The following CDK5RAP2 variants were observed in gnomAD, a reference collection of about 807,000 sequenced individuals.
CDK5RAP2 encodes the protein CDK5 regulatory subunit associated protein 2.
Under a neutral mutation model 232.9 loss-of-function variants are expected in CDK5RAP2, and 147 were observed. That is an observed-to-expected ratio of 0.63 (90% CI 0.55 to 0.72). The LOEUF (loss-of-function observed/expected upper bound fraction) is 0.72, where lower values mean the gene tolerates loss of function less well. CDK5RAP2 is among the 30% of genes least tolerant of loss of function. The pLI is 0.00. For missense variants in CDK5RAP2, 2,195 were observed against 2,231.5 expected (o/e 0.98, Z 0.33); for synonymous variants, 833 against 833.7 (o/e 1.00, Z 0.01).
Position 120,471,893 on chromosome 9 carries a change from A to C in CDK5RAP2, c.1728-15T>G. ...GGTTGTTGATACTTGGTAAAACAAG[A>C]CACCAGAAGTTTTAAAACAGACCTA... On this transcript the variant is annotated splice_polypyrimidine_tract_variant and intron_variant, in intron 15 of 37. Coordinates refer to ENST00000349780, the MANE Select transcript of CDK5RAP2 (RefSeq NM_018249.6). 1 of 1,614,022 alleles carries C rather than the reference A, an allele frequency of 6.2e-7. No homozygotes were observed. The highest frequency in any genetic ancestry group is 8.5e-7 in the Non-Finnish European group (1 of 1,179,926).
chr9:120,485,293 C>CTTTT (rs111411839), intron 14 of CDK5RAP2, among the ~76,000 whole-genome samples: 31 of 132,342 alleles, frequency 2.3e-4, no homozygotes, highest in African/African-American at 6.0e-4. Context: ...CATTTAGATA[C>CTTTT]TTTTTTTTTT....
chr9:120,539,229 C>T, intron 5 of CDK5RAP2, 65 bp from the exon 6 acceptor site: 2 of 1,599,572 alleles, frequency 1.3e-6, no homozygotes. Context: ...TTCACAGCCC[C>T]AAAGAGACAA....
chr9:120,481,377 A>C (rs1470758024), intron 14 of CDK5RAP2, among the ~76,000 whole-genome samples: 1 of 152,240 alleles, frequency 6.6e-6, no homozygotes. Flanking sequence ...CAGTGACAAA[A>C]TAAGAAAATC....
At chr9:120,510,155 C>T (rs1271318743) in intron 12 of CDK5RAP2, among the ~76,000 whole-genome samples, 4 of 152,186 alleles carry the variant, frequency 2.6e-5, no homozygotes, top group Non-Finnish European at 4.4e-5. Flanking sequence ...AGATATCCAT[C>T]AATGAGTACA....
intron 25 of CDK5RAP2, among the ~76,000 whole-genome samples, chr9:120,436,657 A>G (rs2131310348): frequency 6.6e-6 from 1 of 152,290 alleles, no homozygotes; most frequent in Non-Finnish European, 1.5e-5. Flanking sequence ...CAGAAAGATA[A>G]TAATAGAGCG....
chr9:120,482,524 C>T (rs1308549350), intron 14 of CDK5RAP2, among the ~76,000 whole-genome samples: 1 of 152,180 alleles, frequency 6.6e-6, no homozygotes, highest in African/African-American at 2.4e-5. Flanking sequence ...TCCACTGGCA[C>T]ACTCCAGGGC....
At chr9:120,506,711 G>T (rs1030870282) in intron 12 of CDK5RAP2, among the ~76,000 whole-genome samples, 5 of 152,184 alleles carry the variant, frequency 3.3e-5, no homozygotes, top group Admixed American at 6.5e-5. Flanking sequence ...AATAGCAAGA[G>T]AACTAGAAGT....
rs1385076649 is a variant in CDK5RAP2 at position 120,447,885 on chromosome 9, T to C, written c.3025+10A>G. 1.9e-6 allele frequency: 3 copies of C among 1,598,510 alleles called. No individual in the cohort carries two copies. The highest frequency in any genetic ancestry group is 2.6e-6 in the Non-Finnish European group (3 of 1,165,766). On this transcript the variant is annotated intron_variant, in intron 22 of 37. Transcript: ENST00000349780. ...TAGCTCACAGGGAATACATTTTTCT[T>C]GGTGCTTACCATTCAGCAACGTTTT... is the stretch of plus-strand genomic sequence containing the variant.
chr9:120,464,407 T>G (rs1246246643), intron 18 of CDK5RAP2, among the ~76,000 whole-genome samples: 2 of 152,180 alleles, frequency 1.3e-5, no homozygotes, highest in Non-Finnish European at 2.9e-5. Context: ...GGGACATGTG[T>G]GCTCATAGTT....
At chr9:120,518,206 TGTGTGAGA>T (rs1250853859) in intron 12 of CDK5RAP2, among the ~76,000 whole-genome samples, 58 of 108,824 alleles carry the variant, frequency 5.3e-4, no homozygotes, top group African/African-American at 1.9e-3. Context: ...TGTGTGTGTG[TGTGTGAGA>T]GAGAGAGAGA....
In CDK5RAP2 at chr9:120,453,705, T is replaced by C. The variant is rs562215641; in HGVS notation, c.2544A>G (p.Glu848=). The change falls in exon 21 of 38, where the codon GAA becomes GAG. Residue 848 remains glutamate, a synonymous_variant. Transcript: ENST00000349780. The part of the protein sequence containing the change: ...QTNSFSKPHD[E]LKLSCEAQLV... Reference sequence around the variant, plus strand: ...GCTGGGCCTCACAAGACAACTTCAGTTCATCATGTGGCTTGGAAAATGAGT... The same window carrying C: ...GCTGGGCCTCACAAGACAACTTCAGCTCATCATGTGGCTTGGAAAATGAGT... 7 of 1,614,240 alleles carry C rather than the reference T, an allele frequency of 4.3e-6. No homozygotes were observed. The highest frequency in any genetic ancestry group is 4.0e-5 in the African/African-American group (3 of 75,056).
At chr9:120,513,960 A>AAT in intron 12 of CDK5RAP2, among the ~76,000 whole-genome samples, 2 of 152,312 alleles carry the variant, frequency 1.3e-5, no homozygotes, top group Admixed American at 6.5e-5. Flanking sequence ...CATTTATCCT[A>AAT]GCACCATAAT....
chr9:120,494,826 C>T (rs1473391557), intron 12 of CDK5RAP2, among the ~76,000 whole-genome samples: 1 of 98,718 alleles, frequency 1.0e-5, no homozygotes, highest in African/African-American at 6.9e-5. Flanking sequence ...GGGAGCCCGT[C>T]TGGCCATGGT....
intron 26 of CDK5RAP2, among the ~76,000 whole-genome samples, chr9:120,421,718 A>C (rs973266692): frequency 6.6e-6 from 1 of 152,252 alleles, no homozygotes; most frequent in African/African-American, 2.4e-5. Flanking sequence ...CAATTCATGT[A>C]TTCCATGATT....
rs139351867 is a variant in CDK5RAP2, at chr9:120,389,783, G to C, written c.5583C>G (p.Val1861=). The C allele has an allele frequency of 5.0e-6, 8 of 1,613,922 alleles. No individual in the cohort carries two copies. The Admixed American group carries it at 1.2e-4, about 24-fold the overall frequency. Residue 1861 remains valine, a synonymous_variant, in exon 37 of 38, where the codon GTC becomes GTG. Coordinates refer to ENST00000349780, the MANE Select transcript of CDK5RAP2 (RefSeq NM_018249.6). ...RQEKVIFDQL[V]VTHKILRKAR... is the part of the protein sequence containing the mutation. ...CCTTCCGAAGGATTTTGTGGGTTAC[G>C]ACCACTGAGGAGAGAGCAAAGAATG...
At chr9:120,429,147 A>G (rs2035117112) in intron 25 of CDK5RAP2, among the ~76,000 whole-genome samples, 3 of 152,100 alleles carry the variant, frequency 2.0e-5, no homozygotes, top group Non-Finnish European at 2.9e-5. Context: ...CCCACAGCCA[A>G]TATCATACTG....
chr9:120,396,779 A>C (rs891500918), intron 35 of CDK5RAP2, among the ~76,000 whole-genome samples: 7 of 152,194 alleles, frequency 4.6e-5, no homozygotes, highest in Admixed American at 2.0e-4. Flanking sequence ...TCTATCCAGT[A>C]CTTACAACAG....
At chr9:120,428,670 C>T (rs1281514217) in intron 25 of CDK5RAP2, among the ~76,000 whole-genome samples, 1 of 152,150 alleles carries the variant, frequency 6.6e-6, no homozygotes, top group Non-Finnish European at 1.5e-5. Flanking sequence ...CCAAATTCTA[C>T]CAGAGGTACA....
intron 17 of CDK5RAP2, among the ~76,000 whole-genome samples, chr9:120,469,316 C>G (rs767925630): frequency 1.3e-5 from 2 of 152,180 alleles, no homozygotes; most frequent in African/African-American, 2.4e-5. Flanking sequence ...GCTCACCCCC[C>G]CATCTCCCAT....
Sources: allele counts gnomAD v4.1 joint callset (sites outside exome capture counted in the v4.1 genomes callset), GRCh38; gene constraint gnomAD v4.1.1; transcripts MANE v1.5; gene names NCBI Gene and HGNC (gene_info 2026-07-23, HGNC 2026-07-21).